GBE1: variants seen among roughly 807,000 people sequenced by gnomAD.
GBE1 encodes 1,4-alpha-glucan branching enzyme 1, also known as 1,4-alpha-glucan-branching enzyme.
In GBE1, 70 loss-of-function variants were observed where a neutral mutation model predicts 88.8. That is an observed-to-expected ratio of 0.79 (90% CI 0.65 to 0.96). The LOEUF is 0.96. Ranked by LOEUF, GBE1 falls within the 40% of genes least tolerant of loss-of-function variation. GBE1 has a pLI of 0.00. For missense variants in GBE1, 872 were observed against 871.0 expected (o/e 1.00, Z -0.01); for synonymous variants, 284 against 300.1 (o/e 0.95, Z 0.56).
chr3:81,617,224 A>G (rs962769131), intron 7 of GBE1, among the ~76,000 whole-genome samples: 5 of 151,636 alleles, frequency 3.3e-5, no homozygotes, highest in Admixed American at 6.6e-5. Flanking sequence ...TTTTCTTTTT[A>G]TTTATTTTTG....
At chr3:81,502,653 G>T (rs1702603917) in intron 14 of GBE1, among the ~76,000 whole-genome samples, 1 of 152,160 alleles carries the variant, frequency 6.6e-6, no homozygotes, top group Non-Finnish European at 1.5e-5. Flanking sequence ...CTTAGAATTA[G>T]AACAAGCCTT....
At chr3:81,665,305 G>A (rs1705096234) in intron 3 of GBE1, among the ~76,000 whole-genome samples, 2 of 151,574 alleles carry the variant, frequency 1.3e-5, no homozygotes, top group South Asian at 2.1e-4. Context: ...AGGCTGAGGC[G>A]GGCGGATCAC....
chr3:81,683,826 A>G (rs1293696099), intron 2 of GBE1, among the ~76,000 whole-genome samples: 1 of 152,196 alleles, frequency 6.6e-6, no homozygotes, highest in Non-Finnish European at 1.5e-5. Context: ...TTTTCCATAT[A>G]CATTTCATAT....
At chr3:81,534,693 C>A (rs1396563108) in intron 14 of GBE1, 1 of 152,178 alleles carries the variant, frequency 6.6e-6, no homozygotes, top group Non-Finnish European at 1.5e-5. Context: ...AAACAAGTCT[C>A]AGAGGTAACT....
chr3:81,682,642 T>G (rs182912262), intron 2 of GBE1, among the ~76,000 whole-genome samples: 1 of 152,282 alleles, frequency 6.6e-6, no homozygotes, highest in Admixed American at 6.5e-5. Context: ...TCAAACCTTA[T>G]ATACTACTGG....
At chr3:81,712,479 T>C (rs1308624006) in intron 1 of GBE1, among the ~76,000 whole-genome samples, 1 of 152,062 alleles carries the variant, frequency 6.6e-6, no homozygotes, top group Non-Finnish European at 1.5e-5. Context: ...TAAAAAAGGA[T>C]GAGTTCGTGT....
At chr3:81,735,116 G>T (rs1706241509) in intron 1 of GBE1, among the ~76,000 whole-genome samples, 1 of 152,022 alleles carries the variant, frequency 6.6e-6, no homozygotes, top group Non-Finnish European at 1.5e-5. Flanking sequence ...CATCCACTTG[G>T]GGGCCTTGGA....
intron 2 of GBE1, among the ~76,000 whole-genome samples, chr3:81,689,247 G>C (rs559378323): frequency 3.3e-5 from 5 of 152,198 alleles, no homozygotes; most frequent in South Asian, 4.1e-4. Flanking sequence ...TTCTCTCTTT[G>C]TAGTACAAGT....
chr3:81,612,963 G>T, intron 7 of GBE1: 1 of 403,530 alleles, frequency 2.5e-6, no homozygotes. Context: ...TGACGATGAT[G>T]ACGCAAAGGA....
At chr3:81,614,550 G>C (rs1330580472) in intron 7 of GBE1, among the ~76,000 whole-genome samples, 1 of 152,060 alleles carries the variant, frequency 6.6e-6, no homozygotes, top group Non-Finnish European at 1.5e-5. Flanking sequence ...AGGAATTTGA[G>C]ACTTCTTTTC....
intron 1 of GBE1, among the ~76,000 whole-genome samples, chr3:81,753,001 A>G (rs2107238708): frequency 6.6e-6 from 1 of 152,306 alleles, no homozygotes; most frequent in African/African-American, 2.4e-5. Context: ...AGTCCTCAAG[A>G]CACCCTACAA....
At chr3:81,750,605 A>ATATATATG (rs1706500412) in intron 1 of GBE1, among the ~76,000 whole-genome samples, 9 of 35,536 alleles carry the variant, frequency 2.5e-4, no homozygotes, top group African/African-American at 9.7e-4. Flanking sequence ...ATATATGTGT[A>ATATATATG]TATATATATA....
At chr3:81,491,268 A>G (rs947856602) in intron 15 of GBE1, among the ~76,000 whole-genome samples, 1 of 152,150 alleles carries the variant, frequency 6.6e-6, no homozygotes, top group African/African-American at 2.4e-5. Flanking sequence ...CAATCATGGC[A>G]GCTTTTTCGT....
intron 7 of GBE1, among the ~76,000 whole-genome samples, chr3:81,641,391 C>T (rs933900719): frequency 8.5e-5 from 13 of 152,190 alleles, no homozygotes; most frequent in African/African-American, 3.1e-4. Context: ...ACCACAATTA[C>T]TTTTGCACCA....
chr3:81,672,058 G>A (rs986911557), intron 2 of GBE1, among the ~76,000 whole-genome samples: 1 of 151,950 alleles, frequency 6.6e-6, no homozygotes, highest in Non-Finnish European at 1.5e-5. Flanking sequence ...CAAGCTCACT[G>A]TTTAATCAAT....
In GBE1 at chr3:81,622,798, T is replaced by C. The variant is rs114975327; in HGVS notation, c.992+19983A>G. Among the ~76,000 whole-genome samples the C allele has an allele frequency of 3.5e-3, 532 of 152,288 alleles. 3 individuals carry two copies. Among genetic ancestry groups the C allele is most frequent in the Middle Eastern group, 0.02 (6 of 294 alleles). On this transcript the variant is annotated intron_variant, in intron 7 of 15. Transcript: ENST00000429644. ...GGTCAAAAACGTCGGAGTTAACTTCTTTCTTCCCCTCATATACAACCAATC... is the reference window on the plus strand; with the variant it reads ...GGTCAAAAACGTCGGAGTTAACTTCCTTCTTCCCCTCATATACAACCAATC...
intron 7 of GBE1, among the ~76,000 whole-genome samples, chr3:81,600,013 C>T (rs1576165013): frequency 6.6e-6 from 1 of 152,168 alleles, no homozygotes; most frequent in Admixed American, 6.5e-5. Flanking sequence ...GTGGCTCATG[C>T]CTGTAATCCC....
chr3:81,518,291 C>A (rs1299857868), intron 14 of GBE1, among the ~76,000 whole-genome samples: 2 of 151,336 alleles, frequency 1.3e-5, no homozygotes, highest in Non-Finnish European at 3.0e-5. Context: ...AACAAAAAAA[C>A]CAGAACTGCT....
intron 7 of GBE1, among the ~76,000 whole-genome samples, chr3:81,615,069 T>C (rs1334050160): frequency 1.3e-5 from 2 of 152,192 alleles, no homozygotes; most frequent in Non-Finnish European, 2.9e-5. Flanking sequence ...AAGAATCTAT[T>C]TGAAAATGTA....
Sources: allele counts gnomAD v4.1 joint callset (sites outside exome capture counted in the v4.1 genomes callset), GRCh38; gene constraint gnomAD v4.1.1; transcripts MANE v1.5; gene names NCBI Gene and HGNC (gene_info 2026-07-23, HGNC 2026-07-21).